LRRIQ1: variants seen among roughly 807,000 people sequenced by gnomAD.
The protein encoded by LRRIQ1 is leucine rich repeats and IQ motif containing 1.
A neutral mutation model predicts 211.9 loss-of-function variants in LRRIQ1; 210 were observed. That is an observed-to-expected ratio of 0.99 (90% CI 0.89 to 1.11). The LOEUF (loss-of-function observed/expected upper bound fraction) is 1.11. Ranked by LOEUF, LRRIQ1 falls within the 50% of genes most tolerant of loss-of-function variation. The probability of loss-of-function intolerance (pLI) is 0.00; values close to 1 mark genes in which losing one functional copy is unlikely to be tolerated. For synonymous variants in LRRIQ1, 699 were observed against 650.1 expected (o/e 1.08, Z -1.14); for missense variants, 2,136 against 1,939.5 (o/e 1.10, Z -1.90).
At chr12:85,209,949 G>A (rs1279376382) in intron 24 of LRRIQ1, among the ~76,000 whole-genome samples, 1 of 152,054 alleles carries the variant, frequency 6.6e-6, no homozygotes, top group African/African-American at 2.4e-5. Flanking sequence ...ATTTTTCCAT[G>A]AGACTCCTCT....
chr12:85,090,210 G>C (rs1461578068), intron 11 of LRRIQ1, among the ~76,000 whole-genome samples: 2 of 152,230 alleles, frequency 1.3e-5, no homozygotes, highest in Non-Finnish European at 2.9e-5. Flanking sequence ...CTAGGTATCA[G>C]AGGATGTATG....
downstream of LRRIQ1, among the ~76,000 whole-genome samples, chr12:85,245,870 C>G (rs973320906): frequency 6.6e-6 from 1 of 150,586 alleles, no homozygotes; most frequent in African/African-American, 2.4e-5. Flanking sequence ...ATTATAGTTA[C>G]ATATATACAT....
intron 24 of LRRIQ1, among the ~76,000 whole-genome samples, chr12:85,194,729 C>G (rs1018962243): frequency 1.3e-5 from 2 of 151,600 alleles, no homozygotes; most frequent in African/African-American, 4.8e-5. Context: ...AGGAAAGATC[C>G]AAAATTGACA....
intron 6 of LRRIQ1, among the ~76,000 whole-genome samples, 192 bp from the exon 7 acceptor site, chr12:85,051,985 G>A (rs1880383515): frequency 6.6e-6 from 1 of 152,110 alleles, no homozygotes; most frequent in East Asian, 1.9e-4. Context: ...TCTCAGAATG[G>A]AAACCCTAGG....
At chr12:85,040,101 G>T (rs902325475) in intron 2 of LRRIQ1, among the ~76,000 whole-genome samples, 14 of 151,362 alleles carry the variant, frequency 9.2e-5, no homozygotes, top group Admixed American at 8.6e-4. Context: ...TCAGGTATTA[G>T]TTTGATATTA....
At chr12:85,250,834 ATATAT>A (rs1228157072) in intron 1 of LRRIQ1, among the ~76,000 whole-genome samples, 5 of 112,738 alleles carry the variant, frequency 4.4e-5, no homozygotes, top group Non-Finnish European at 6.8e-5. Flanking sequence ...ATTATAGATT[ATATAT>A]TATATTATAT....
At chr12:85,116,181 C>T (rs1273007909) in intron 15 of LRRIQ1, among the ~76,000 whole-genome samples, 2 of 152,168 alleles carry the variant, frequency 1.3e-5, no homozygotes, top group African/African-American at 2.4e-5. Context: ...CTCGCTCTGT[C>T]GCCCAGGCTG....
intron 1 of LRRIQ1, among the ~76,000 whole-genome samples, chr12:85,250,531 G>A (rs1188627249): frequency 6.6e-6 from 1 of 150,768 alleles, no homozygotes; most frequent in African/African-American, 2.4e-5. Flanking sequence ...CTTGAGCCCA[G>A]GACCTTGAGA....
intron 18 of LRRIQ1, among the ~76,000 whole-genome samples, chr12:85,137,234 G>A (rs987089552): frequency 1.3e-5 from 2 of 150,978 alleles, no homozygotes; most frequent in Admixed American, 6.6e-5. Flanking sequence ...CATTCCACAT[G>A]AGCATAAATA....
At chr12:85,198,304 T>C (rs1226404909) in intron 24 of LRRIQ1, among the ~76,000 whole-genome samples, 1 of 150,344 alleles carries the variant, frequency 6.7e-6, no homozygotes, top group Non-Finnish European at 1.5e-5. Context: ...TTCTCATTTA[T>C]ATTTCCTTGG....
chr12:85,215,773 G>A (rs1894049158), intron 24 of LRRIQ1, among the ~76,000 whole-genome samples: 1 of 151,986 alleles, frequency 6.6e-6, no homozygotes, highest in Non-Finnish European at 1.5e-5. Flanking sequence ...CATTCATATA[G>A]TGAAATATAC....
chr12:85,197,957 A>G (rs1406005832), intron 24 of LRRIQ1, among the ~76,000 whole-genome samples: 1 of 111,442 alleles, frequency 9.0e-6, no homozygotes, highest in South Asian at 2.3e-4. Flanking sequence ...ATATAATTAT[A>G]TATTATATAT....
At chr12:85,203,082 A>G (rs936546991) in intron 24 of LRRIQ1, among the ~76,000 whole-genome samples, 1 of 152,130 alleles carries the variant, frequency 6.6e-6, no homozygotes, top group Admixed American at 6.5e-5. Flanking sequence ...GGTGGGAGAT[A>G]ATTGTATCAT....
rs1412189643 is a variant in LRRIQ1 at position 85,073,007 on chromosome 12, T to C, written c.2796T>C (p.Ile932=). The C allele has an allele frequency of 1.9e-6, 3 of 1,612,846 alleles. No individual in the cohort carries two copies. The Admixed American group carries it at 5.0e-5, about 27-fold the overall frequency. ...ACTTATCCCTGGCACAAGTCTGGATTCCAACTGGATTATGTTGGTCCTGGA... is the reference window on the plus strand; with the variant it reads ...ACTTATCCCTGGCACAAGTCTGGATCCCAACTGGATTATGTTGGTCCTGGA... The part of the protein sequence containing the change: ...TSYLSLAQVW[I]PTGLCWSWIP... The change falls in exon 11 of 27, where the codon ATT becomes ATC. Residue 932 remains isoleucine, a synonymous_variant. Transcript: ENST00000393217.
At chr12:85,145,029 T>A (rs1284335252) in intron 19 of LRRIQ1, among the ~76,000 whole-genome samples, 1 of 151,542 alleles carries the variant, frequency 6.6e-6, no homozygotes, top group Non-Finnish European at 1.5e-5. Flanking sequence ...TTTCACTGAT[T>A]TAGTTGAAAA....
At chr12:85,271,024 G>C in the LRRIQ1 span, among the ~76,000 whole-genome samples, 4 of 152,292 alleles carry the variant, frequency 2.6e-5, no homozygotes, top group East Asian at 7.7e-4. Flanking sequence ...ATAGTTATTT[G>C]ACGGAAGACA....
chr12:85,087,277 A>C (rs770429032), intron 11 of LRRIQ1, among the ~76,000 whole-genome samples: 1 of 151,944 alleles, frequency 6.6e-6, no homozygotes, highest in East Asian at 1.9e-4. Context: ...TGAACTCATC[A>C]TTTTTTTATT....
chr12:85,239,354 T>TACACACAC (rs1491190469), intron 26 of LRRIQ1, among the ~76,000 whole-genome samples: 7 of 86,480 alleles, frequency 8.1e-5, no homozygotes, highest in African/African-American at 3.0e-4. Context: ...GAAACTGTTT[T>TACACACAC]ATACACACAC....
At chr12:85,210,671 A>G (rs377127835) in intron 24 of LRRIQ1, among the ~76,000 whole-genome samples, 9 of 152,264 alleles carry the variant, frequency 5.9e-5, no homozygotes, top group East Asian at 3.9e-4. Flanking sequence ...CGTATACAAG[A>G]TGTACTTAGT....
Sources: allele counts gnomAD v4.1 joint callset (sites outside exome capture counted in the v4.1 genomes callset), GRCh38; gene constraint gnomAD v4.1.1; transcripts MANE v1.5; gene names NCBI Gene and HGNC (gene_info 2026-07-23, HGNC 2026-07-21).